DYNC1LI1: variants seen among roughly 807,000 people sequenced by gnomAD.
DYNC1LI1 encodes the protein dynein cytoplasmic 1 light intermediate chain 1.
DYNC1LI1 carries 19 observed loss-of-function variants against 63.8 expected under a neutral mutation model. The observed-to-expected ratio is 0.30, with a 90% confidence interval of 0.21 to 0.44. The LOEUF (loss-of-function observed/expected upper bound fraction) is 0.44. Among genes scored for constraint, DYNC1LI1 ranks in the 20% least tolerant of loss-of-function variants. The pLI is 1.00. For missense variants in DYNC1LI1, 565 were observed against 630.2 expected, an observed-to-expected ratio of 0.90 and a Z score of 1.11; for synonymous variants, 225 against 232.3, an observed-to-expected ratio of 0.97 and a Z score of 0.28.
At chr3:32,529,954 G>C (rs1697673068) in intron 10 of DYNC1LI1, among the ~76,000 whole-genome samples, 1 of 152,128 alleles carries the variant, frequency 6.6e-6, no homozygotes, top group African/African-American at 2.4e-5. Context: ...ATCTGGACTT[G>C]TATTCTACTA....
rs116458270 is a variant in DYNC1LI1, at chr3:32,537,655, T to A, written c.739-551A>T. On this transcript the variant is annotated intron_variant, in intron 5 of 12. Coordinates refer to ENST00000273130, the MANE Select transcript of DYNC1LI1 (RefSeq NM_016141.4). Reference sequence around the variant, plus strand: ...GAAACTACAACTGATTTTTGAAATGTCGCCTGTACAATCAATGAGACAATT... The same window carrying A: ...GAAACTACAACTGATTTTTGAAATGACGCCTGTACAATCAATGAGACAATT... Among the ~76,000 whole-genome samples the A allele has an allele frequency of 6.3e-3, 950 of 151,020 alleles. 8 individuals carry two copies. The highest frequency in any genetic ancestry group is 0.022 in the African/African-American group (904 of 41,152).
intron 6 of DYNC1LI1, 122 bp downstream of exon 6, chr3:32,536,882 TTCCAACC>T: frequency 1.8e-6 from 1 of 558,292 alleles, no homozygotes. Flanking sequence ...AAAATGAAAT[TTCCAACC>T]AGAGACAGAA....
chr3:32,552,353 G>C (rs756261958), intron 2 of DYNC1LI1, among the ~76,000 whole-genome samples: 2 of 151,820 alleles, frequency 1.3e-5, no homozygotes, highest in East Asian at 1.9e-4. Flanking sequence ...TTTAAAACAG[G>C]GTCTTCCTAT....
chr3:32,541,202 A>G lies in DYNC1LI1; in HGVS notation c.573T>C (p.Ile191=). The part of the protein sequence containing the change: ...EEMKQMEQKL[I]RDFQEYVEPG... ...GCTCTACATATTCTTGGAAGTCTCT[A>G]ATCACTGAAAATCAAAGTAAACACA... The change falls in exon 5 of 13, where the codon ATT becomes ATC. Residue 191 remains isoleucine, a synonymous_variant. Transcript: ENST00000273130. The G allele has an allele frequency of 6.3e-7, 1 of 1,576,204 alleles. No homozygotes were observed. Among genetic ancestry groups the G allele is most frequent in the Non-Finnish European group, 8.6e-7 (1 of 1,160,106 alleles).
At chr3:32,537,881 A>G (rs562813508) in intron 5 of DYNC1LI1, among the ~76,000 whole-genome samples, 96 of 104,028 alleles carry the variant, frequency 9.2e-4, no homozygotes, top group African/African-American at 3.6e-3. Flanking sequence ...ACATATATAT[A>G]TATATAATTT....
chr3:32,570,305 C>A, intron 2 of DYNC1LI1, 41 bp downstream of exon 2: 1 of 1,508,842 alleles, frequency 6.6e-7, no homozygotes, highest in Non-Finnish European at 9.0e-7. Flanking sequence ...CCCCGGGCCG[C>A]TGGGGGCCGG....
intron 2 of DYNC1LI1, among the ~76,000 whole-genome samples, chr3:32,554,593 G>A (rs918300774): frequency 2.0e-5 from 3 of 152,152 alleles, no homozygotes; most frequent in African/African-American, 7.2e-5. Context: ...AATAATCCAT[G>A]CCTCCCAAGA....
At chr3:32,557,061 C>G (rs1449049787) in intron 2 of DYNC1LI1, among the ~76,000 whole-genome samples, 2 of 152,142 alleles carry the variant, frequency 1.3e-5, no homozygotes, top group Admixed American at 6.5e-5. Context: ...GCCATTGGAC[C>G]AAGGGTTGGT....
intron 2 of DYNC1LI1, among the ~76,000 whole-genome samples, chr3:32,562,047 A>T (rs930158813): frequency 6.6e-6 from 1 of 152,180 alleles, no homozygotes; most frequent in Admixed American, 6.5e-5. Flanking sequence ...CCAAGACCAG[A>T]GGATCATTTG....
At chr3:32,547,686 T>G (rs1048652088) in intron 2 of DYNC1LI1, among the ~76,000 whole-genome samples, 2 of 152,174 alleles carry the variant, frequency 1.3e-5, no homozygotes, top group Admixed American at 6.6e-5. Context: ...AGACTGGTTC[T>G]TTTTATGAAA....
chr3:32,535,032 A>G (rs945685250), intron 6 of DYNC1LI1, among the ~76,000 whole-genome samples: 1 of 152,198 alleles, frequency 6.6e-6, no homozygotes, highest in East Asian at 1.9e-4. Flanking sequence ...TTGCCTTTTC[A>G]ACAAAAATGG....
intron 6 of DYNC1LI1, among the ~76,000 whole-genome samples, chr3:32,536,216 C>A (rs548681791): frequency 2.9e-4 from 44 of 152,230 alleles, no homozygotes; most frequent in African/African-American, 9.9e-4. Context: ...TTGTAGACAC[C>A]ATAAACGTGT....
chr3:32,538,021 AATT>A (rs1428620335), intron 5 of DYNC1LI1, among the ~76,000 whole-genome samples: 4 of 25,336 alleles, frequency 1.6e-4, no homozygotes, highest in African/African-American at 8.4e-4. Context: ...ATATATATAT[AATT>A]TATATATATA....
At chr3:32,541,292 C>T (rs1697878873) in intron 4 of DYNC1LI1, 86 bp from the exon 5 acceptor site, 4 of 835,988 alleles carry the variant, frequency 4.8e-6, no homozygotes, top group Admixed American at 2.9e-5. Flanking sequence ...AAAATTTACT[C>T]GAATTTATAC....
chr3:32,540,957 A>T lies in DYNC1LI1; in HGVS notation c.738+80T>A, dbSNP rs145872314. ...ATCATCTAGGAGAACTAATGTGTTA[A>T]CTCCAAAAAACCTGGAAAACAAAAC... On this transcript the variant is annotated intron_variant, in intron 5 of 12. Transcript: ENST00000273130. 4.8e-5 allele frequency: 55 copies of T among 1,140,274 alleles called. No homozygotes were observed. In the African/African-American group the frequency reaches 8.0e-4, roughly 17 times the overall value. 70.6% of individuals were successfully genotyped at this position (1,140,274 alleles called of 1,614,324 possible).
chr3:32,566,808 G>A, intron 2 of DYNC1LI1: 1 of 335,180 alleles, frequency 3.0e-6, no homozygotes, highest in Non-Finnish European at 5.8e-6. Context: ...AAATATAAAA[G>A]GTAAAAATGA....
chr3:32,546,378 A>G (rs1248775904), intron 2 of DYNC1LI1, among the ~76,000 whole-genome samples: 1 of 152,144 alleles, frequency 6.6e-6, no homozygotes, highest in Non-Finnish European at 1.5e-5. Flanking sequence ...ACTGTACTCC[A>G]GGCTGGGTAA....
At chr3:32,554,813 T>C (rs1029810144) in intron 2 of DYNC1LI1, among the ~76,000 whole-genome samples, 2 of 151,588 alleles carry the variant, frequency 1.3e-5, no homozygotes, top group Non-Finnish European at 2.9e-5. Flanking sequence ...CCACTCTTCC[T>C]CCTCTCTCAT....
At position 32,528,520 on chromosome 3, in the gene DYNC1LI1, C is replaced by T; in HGVS notation, c.1388G>A (p.Gly463Asp). 1.2e-6 allele frequency: 2 copies of T among 1,614,120 alleles called. No homozygotes were observed. The highest frequency in any genetic ancestry group is 8.5e-7 in the Non-Finnish European group (1 of 1,179,978). ...SKKTGSPGGP[G>D]VSGGSPAGGA... ...ACCTGCAGGGCTACCACCACTCACACCAGGGCCTCCTGGAGAGCCAGTCTT... is the reference window on the plus strand; with the variant it reads ...ACCTGCAGGGCTACCACCACTCACATCAGGGCCTCCTGGAGAGCCAGTCTT... The change falls in exon 12 of 13, where the codon GGT becomes GAT. Residue 463 changes from glycine (G) to aspartate (D), a missense_variant. Transcript: ENST00000273130.
Sources: gnomAD v4.1 joint callset for allele counts (sites outside exome capture counted in the v4.1 genomes callset) on GRCh38, gnomAD v4.1.1 for gene constraint, MANE v1.5 for transcripts, NCBI Gene and HGNC (gene_info 2026-07-23, HGNC 2026-07-21) for gene names.